GRM7: variants seen among roughly 807,000 people sequenced by gnomAD.
GRM7 encodes the protein metabotropic glutamate receptor 7.
In GRM7, 35 loss-of-function variants were observed where a neutral mutation model predicts 84.5. That is an observed-to-expected ratio of 0.41 (90% CI 0.32 to 0.55). GRM7 has a LOEUF of 0.55. Among genes scored for constraint, GRM7 ranks in the 20% least tolerant of loss-of-function variants. The pLI is 0.19. For missense variants in GRM7, 1,003 were observed against 1,194.6 expected, an observed-to-expected ratio of 0.84 and a Z score of 2.36; for synonymous variants, 487 against 455.1, an observed-to-expected ratio of 1.07 and a Z score of -0.89.
intron 2 of GRM7, among the ~76,000 whole-genome samples, chr3:7,204,341 G>A (rs987912610): frequency 6.6e-6 from 1 of 152,146 alleles, no homozygotes; most frequent in Non-Finnish European, 1.5e-5. Context: ...TTCTCTCTTA[G>A]GAGCAAGAGC....
intron 8 of GRM7, among the ~76,000 whole-genome samples, chr3:7,639,943 A>G (rs1284292033): frequency 6.6e-6 from 1 of 152,190 alleles, no homozygotes; most frequent in East Asian, 1.9e-4. Flanking sequence ...TATGAATGAA[A>G]TCATTCAGTA....
At chr3:6,996,142 G>A (rs952197073) in intron 1 of GRM7, among the ~76,000 whole-genome samples, 4 of 151,918 alleles carry the variant, frequency 2.6e-5, no homozygotes, top group African/African-American at 7.2e-5. Flanking sequence ...TCCTCCTCCC[G>A]AGTTCAAGCA....
intron 7 of GRM7, among the ~76,000 whole-genome samples, chr3:7,491,915 G>A (rs1012798876): frequency 2.6e-5 from 4 of 152,216 alleles, no homozygotes; most frequent in African/African-American, 9.6e-5. Context: ...AGTCTCTTGC[G>A]TTGCCCTGTT....
In GRM7 at chr3:7,140,249, T is replaced by C. The variant is rs556847608; in HGVS notation, c.520-6203T>C. On this transcript the variant is annotated intron_variant, in intron 1 of 9. Coordinates refer to ENST00000357716, the MANE Select transcript of GRM7 (RefSeq NM_000844.4). ...TCTCATGAGAGAGAGTGAGAAGTTA[T>C]AAGACTAAAGGTAGGTAGTATGTCA... Among the ~76,000 whole-genome samples the C allele has an allele frequency of 1.1e-4, 16 of 152,138 alleles. No individual in the cohort carries two copies. In the East Asian group the frequency reaches 2.9e-3, roughly 28 times the overall value.
intron 1 of GRM7, among the ~76,000 whole-genome samples, chr3:6,970,416 T>C (rs1359390397): frequency 1.3e-5 from 2 of 152,250 alleles, no homozygotes; most frequent in Non-Finnish European, 2.9e-5. Flanking sequence ...ACAACATTTC[T>C]GTAAGGTTGT....
At chr3:6,956,755 A>G in intron 1 of GRM7, 1 of 409,052 alleles carries the variant, frequency 2.4e-6, no homozygotes, top group Admixed American at 2.8e-5. Context: ...TCTCTTATAT[A>G]TCTTTAGAGT....
chr3:7,204,010 A>G (rs1420872098), intron 2 of GRM7, among the ~76,000 whole-genome samples: 1 of 152,216 alleles, frequency 6.6e-6, no homozygotes, highest in African/African-American at 2.4e-5. Context: ...CTGAGATATA[A>G]TATTTATGAT....
At chr3:7,103,214 C>T (rs981118981) in intron 1 of GRM7, among the ~76,000 whole-genome samples, 3 of 151,730 alleles carry the variant, frequency 2.0e-5, no homozygotes, top group African/African-American at 7.3e-5. Context: ...AGTAAAAATC[C>T]TGGCTGATTA....
intron 1 of GRM7, among the ~76,000 whole-genome samples, chr3:7,027,321 C>T (rs1319608872): frequency 1.3e-5 from 2 of 152,044 alleles, no homozygotes; most frequent in Non-Finnish European, 2.9e-5. Flanking sequence ...ATCTAAACAT[C>T]TAGACCTTTG....
intron 1 of GRM7, among the ~76,000 whole-genome samples, chr3:6,989,712 T>G (rs547511542): frequency 6.6e-6 from 1 of 152,374 alleles, no homozygotes; most frequent in African/African-American, 2.4e-5. Flanking sequence ...AAAGAGCCGA[T>G]AATTCACATG....
At chr3:7,219,006 T>C (rs1291595857) in intron 2 of GRM7, among the ~76,000 whole-genome samples, 1 of 152,154 alleles carries the variant, frequency 6.6e-6, no homozygotes, top group Non-Finnish European at 1.5e-5. Context: ...GCTTATTTTA[T>C]TGATTGTATG....
At chr3:6,969,955 G>C (rs1693677764) in intron 1 of GRM7, among the ~76,000 whole-genome samples, 1 of 152,202 alleles carries the variant, frequency 6.6e-6, no homozygotes, top group African/African-American at 2.4e-5. Context: ...AGAAATGCAT[G>C]TGCCTTTTCC....
chr3:7,680,295 A>G lies in GRM7; in HGVS notation c.2698A>G (p.Ser900Gly). 6 of 1,613,856 alleles carry G rather than the reference A, an allele frequency of 3.7e-6. No individual in the cohort carries two copies. The highest frequency in any genetic ancestry group is 5.1e-6 in the Non-Finnish European group (6 of 1,179,744). ...TELCENVDPN[S>G]PAAKKKYVSY... ...GCTCTGTGAAAACGTAGACCCAAAC[A>G]GTAAGTAACTCTCCGTTTCTTTCAT... The change falls in exon 9 of 10, where the codon AGC (serine) becomes GGC (glycine). Residue 900 changes from serine (S) to glycine (G), a missense_variant and splice_region_variant. Physicochemically the swap from Ser to Gly is moderately conservative, Grantham distance 56 (BLOSUM62 0). Coordinates refer to ENST00000357716, the MANE Select transcript of GRM7 (RefSeq NM_000844.4).
At chr3:7,082,132 G>A (rs115513588) in intron 1 of GRM7, among the ~76,000 whole-genome samples, 1,565 of 152,162 alleles carry the variant, frequency 0.01, 28 homozygotes, top group African/African-American at 0.035. Flanking sequence ...GGCTCCTGTT[G>A]GAAGAAGATT....
At chr3:7,709,531 G>C (rs947285321) in intron 9 of GRM7, among the ~76,000 whole-genome samples, 1 of 152,106 alleles carries the variant, frequency 6.6e-6, no homozygotes, top group Non-Finnish European at 1.5e-5. Context: ...ACAGAAAGTG[G>C]AGCCTCAGAG....
chr3:7,475,296 A>T (rs1698876602), intron 7 of GRM7, among the ~76,000 whole-genome samples: 1 of 152,194 alleles, frequency 6.6e-6, no homozygotes, highest in African/African-American at 2.4e-5. Context: ...GATGCCTGCC[A>T]TTTGAAATCA....
chr3:7,673,432 A>T (rs760424955), intron 8 of GRM7, among the ~76,000 whole-genome samples: 1 of 151,812 alleles, frequency 6.6e-6, no homozygotes, highest in Non-Finnish European at 1.5e-5. Flanking sequence ...TCACCTTGCC[A>T]TTCAAAAGTT....
At chr3:7,391,376 G>A (rs1272050118) in intron 4 of GRM7, among the ~76,000 whole-genome samples, 1 of 152,076 alleles carries the variant, frequency 6.6e-6, no homozygotes, top group Admixed American at 6.5e-5. Flanking sequence ...ATACTATGCA[G>A]CCATAAAAAA....
At chr3:7,304,348 A>AT (rs1700115601) in intron 3 of GRM7, among the ~76,000 whole-genome samples, 1 of 95,828 alleles carries the variant, frequency 1.0e-5, no homozygotes, top group Non-Finnish European at 2.4e-5. Flanking sequence ...TAATAATATC[A>AT]TTTCTTTTTT....
Sources: gnomAD v4.1 joint callset for allele counts (sites outside exome capture counted in the v4.1 genomes callset) on GRCh38, gnomAD v4.1.1 for gene constraint, MANE v1.5 for transcripts, NCBI Gene and HGNC (gene_info 2026-07-23, HGNC 2026-07-21) for gene names.